Variants in UTP25 observed in about 807,000 individuals in gnomAD.
UTP25 encodes UTP25 small subunit processome component.
A neutral mutation model predicts 78.9 loss-of-function variants in UTP25; 50 were observed. The observed-to-expected ratio is 0.63, with a 90% confidence interval of 0.50 to 0.80. The LOEUF (loss-of-function observed/expected upper bound fraction) is 0.80. Among genes scored for constraint, UTP25 ranks in the 30% least tolerant of loss-of-function variants. UTP25 has a pLI of 0.00. For missense variants in UTP25, 846 were observed against 911.3 expected (o/e 0.93, Z 0.92); for synonymous variants, 329 against 336.5 (o/e 0.98, Z 0.24).
At chr1:209,828,401 A>ATTTTT (rs71571917) in intron 1 of UTP25, among the ~76,000 whole-genome samples, 2,806 of 136,348 alleles carry the variant, frequency 0.021, 72 homozygotes, top group African/African-American at 0.05. Flanking sequence ...GTGGGGGAGG[A>ATTTTT]TTTTTTTTTT....
rs2078279151 is a variant in UTP25, at chr1:209,856,699, G to A, written c.*5252G>A. ...GCATCACAGACTCCTGAACTCCAAAGACACTGCCTATTCTTTCGTCTGTTC... is the reference window on the plus strand; with the variant it reads ...GCATCACAGACTCCTGAACTCCAAAAACACTGCCTATTCTTTCGTCTGTTC... On this transcript the variant is annotated 3_prime_UTR_variant, in exon 12 of 12. Coordinates refer to ENST00000491415, the MANE Select transcript of UTP25 (RefSeq NM_014388.7). 3 of 152,238 alleles carry A rather than the reference G, an allele frequency of 2.0e-5. No homozygotes were observed. The highest frequency in any genetic ancestry group is 2.0e-4 in the Admixed American group (3 of 15,286). The allele number at this position is 152,238 out of a possible 1,614,324, so 9.4% of individuals were successfully genotyped here. A position where few individuals can be genotyped will look rare whatever the true frequency, so the allele number is the denominator to read the frequency against.
At position 209,828,029 on chromosome 1, in the gene UTP25, G is replaced by T; in HGVS notation, c.-35G>T. 6.4e-7 allele frequency: 1 copy of T among 1,560,124 alleles called. No homozygotes were observed. The highest frequency in any genetic ancestry group is 8.8e-7 in the Non-Finnish European group (1 of 1,131,016). ...GGACAACTTCCTGGTGGAAAACCGC[G>T]ACTCTTGCAAGTGGGCAAACTTGAC... On this transcript the variant is annotated 5_prime_UTR_variant, in exon 1 of 12. Transcript: ENST00000491415.
At chr1:209,834,971 A>C (rs959469559) in intron 4 of UTP25, 104 bp from the exon 5 acceptor site, 1 of 829,464 alleles carries the variant, frequency 1.2e-6, no homozygotes, top group Non-Finnish European at 1.9e-6. Context: ...AATGGAGAAA[A>C]GGATGAGTTA....
At chr1:209,837,314 T>C in intron 6 of UTP25, 103 bp downstream of exon 6, 1 of 1,346,406 alleles carries the variant, frequency 7.4e-7, no homozygotes, top group Non-Finnish European at 1.0e-6. Flanking sequence ...AATAATTGAC[T>C]GGCATAATGA....
chr1:209,847,710 T>C (rs904451912), intron 11 of UTP25, among the ~76,000 whole-genome samples: 2 of 152,226 alleles, frequency 1.3e-5, no homozygotes, highest in Admixed American at 6.5e-5. Flanking sequence ...TAGTTCTCAA[T>C]TGGGGAACAA....
At chr1:209,834,413 C>T (rs1558052189) in intron 4 of UTP25, among the ~76,000 whole-genome samples, 1 of 152,176 alleles carries the variant, frequency 6.6e-6, no homozygotes, top group African/African-American at 2.4e-5. Context: ...CAGATGCTAT[C>T]ATGTGGATCA....
At position 209,854,990 on chromosome 1, in the gene UTP25, G is replaced by T. The variant is rs535573481; in HGVS notation, c.*3543G>T. The T allele has an allele frequency of 2.4e-4, 36 of 152,280 alleles. No homozygotes were observed. Among genetic ancestry groups the T allele is most frequent in the African/African-American group, 8.7e-4 (36 of 41,556 alleles). The allele number at this position is 152,280 out of a possible 1,614,324, so 9.4% of individuals were successfully genotyped here. A position where few individuals can be genotyped will look rare whatever the true frequency, so the allele number is the denominator to read the frequency against. ...TTCTACTCCACACTTATTTTAAAAA[G>T]CTTTTCTGAAAGCCTGGCTACATAG... On this transcript the variant is annotated 3_prime_UTR_variant, in exon 12 of 12. Coordinates refer to ENST00000491415, the MANE Select transcript of UTP25 (RefSeq NM_014388.7).
rs144056813 is a variant in UTP25, at chr1:209,835,202, A to G, written c.651+39A>G. 2,783 of 1,572,440 alleles carry G rather than the reference A, an allele frequency of 1.8e-3. 30 individuals are homozygous for G. The African/African-American group carries it at 0.031, about 17-fold the overall frequency. Reference sequence around the variant, plus strand: ...GGTCATCCCGGTCACAAATAGAGAAAGCTCTAAATAAAACAGTGGTCTTGG... The same window carrying G: ...GGTCATCCCGGTCACAAATAGAGAAGGCTCTAAATAAAACAGTGGTCTTGG... On this transcript the variant is annotated intron_variant, in intron 5 of 11. Coordinates refer to ENST00000491415, the MANE Select transcript of UTP25 (RefSeq NM_014388.7).
In UTP25 at chr1:209,843,478, G is replaced by T. The variant is rs761935904; in HGVS notation, c.1809G>T (p.Leu603Phe). Residue 603 changes from leucine (L) to phenylalanine (F), a missense_variant, in exon 11 of 12, where the codon TTG becomes TTT. Physicochemically the swap from Leu to Phe is conservative, Grantham distance 22. Transcript: ENST00000491415. ...ARFNFFVNKI[L>F]PQYRDAVMSH... ...TTAACTTTTTTGTGAACAAGATTTT[G>T]CCACAGTATCGTGATGCAGTCATGT... is the stretch of plus-strand genomic sequence containing the variant. 1.6e-5 allele frequency: 26 copies of T among 1,613,876 alleles called. No individual in the cohort carries two copies.
At chr1:209,831,168 C>A in intron 3 of UTP25, 125 bp downstream of exon 3, 1 of 968,348 alleles carries the variant, frequency 1.0e-6, no homozygotes, top group South Asian at 1.8e-5. Flanking sequence ...AGGGATTTAC[C>A]CTTGTTGGGT....
chr1:209,851,399 G>A lies in UTP25; in HGVS notation c.2223G>A (p.Met741Ile), dbSNP rs562356872. Residue 741 changes from methionine (M) to isoleucine (I), a missense_variant, in exon 12 of 12, where the codon ATG (methionine) becomes ATA (isoleucine). Met to Ile is a conservative substitution (Grantham distance 10). Transcript: ENST00000491415. ...TTGGTGTGGAGCGGGCGGCACAGAT[G>A]CTACAGTCCAACAAGAATGTCCACC... is the stretch of plus-strand genomic sequence containing the variant. ...AVVGVERAAQ[M>I]LQSNKNVHLF... 1.2e-6 allele frequency: 2 copies of A among 1,612,960 alleles called. No individual in the cohort carries two copies. Among genetic ancestry groups the A allele is most frequent in the Non-Finnish European group, 1.7e-6 (2 of 1,179,786 alleles).
At chr1:209,828,245 A>G in intron 1 of UTP25, 75 bp downstream of exon 1, 6 of 1,095,160 alleles carry the variant, frequency 5.5e-6, no homozygotes, top group Non-Finnish European at 8.2e-6. Flanking sequence ...TCTCCCAGAT[A>G]GTGCTGCTCC....
Position 209,837,043 on chromosome 1 carries a change from T to A in UTP25, c.894T>A (p.Thr298=), listed in dbSNP as rs199635485. The A allele has an allele frequency of 1.9e-6, 3 of 1,614,176 alleles. No homozygotes were observed. The highest frequency in any genetic ancestry group is 1.6e-4 in the Middle Eastern group (1 of 6,062). ...GGGACCTGTTCTACCCGGAAAGGAC[T>A]GCTCTGAAGAACGGGGAAGAGATCC... ...SYRDLFYPER[T]ALKNGEEIRH... is the part of the protein sequence containing the mutation. Residue 298 remains threonine, a synonymous_variant, in exon 6 of 12, where the codon ACT becomes ACA. Coordinates refer to ENST00000491415, the MANE Select transcript of UTP25 (RefSeq NM_014388.7).
At chr1:209,847,915 A>G (rs2078207897) in intron 11 of UTP25, among the ~76,000 whole-genome samples, 1 of 152,244 alleles carries the variant, frequency 6.6e-6, no homozygotes, top group Non-Finnish European at 1.5e-5. Flanking sequence ...ACCCTCATCC[A>G]GAATAACTCT....
intron 11 of UTP25, chr1:209,844,249 A>AGTTGAAT (rs1442758139): frequency 1.3e-5 from 2 of 152,546 alleles, no homozygotes; most frequent in East Asian, 3.9e-4. Flanking sequence ...AAGGGCTTCA[A>AGTTGAAT]GTTGAATGTT....
chr1:209,853,694 G>C lies in UTP25; in HGVS notation c.*2247G>C, dbSNP rs1332041785. 2 of 152,088 alleles carry C rather than the reference G, an allele frequency of 1.3e-5. No homozygotes were observed. Among genetic ancestry groups the C allele is most frequent in the South Asian group, 2.1e-4 (1 of 4,824 alleles). The allele number at this position is 152,088 out of a possible 1,614,324, so 9.4% of individuals were successfully genotyped here. A position where few individuals can be genotyped will look rare whatever the true frequency, so the allele number is the denominator to read the frequency against. ...TCTTTTTCTACTGCCATATTCTTTT[G>C]CCTGTGAATTGTAGTTCATCTCGTG... On this transcript the variant is annotated 3_prime_UTR_variant, in exon 12 of 12. Coordinates refer to ENST00000491415, the MANE Select transcript of UTP25 (RefSeq NM_014388.7).
rs1254805209 is a variant in UTP25 at position 209,853,808 on chromosome 1, T to C, written c.*2361T>C. ...GTGAGTCTGGATTTCAAATCCATGA[T>C]GTAGCCCCAGAAATAACCATTTTAT... On this transcript the variant is annotated 3_prime_UTR_variant, in exon 12 of 12. Transcript: ENST00000491415. 1.3e-5 allele frequency: 2 copies of C among 152,276 alleles called. No individual in the cohort carries two copies. Among genetic ancestry groups the C allele is most frequent in the Non-Finnish European group, 2.9e-5 (2 of 68,054 alleles). 9.4% of individuals were successfully genotyped at this position (152,276 alleles called of 1,614,324 possible). A position where few individuals can be genotyped will look rare whatever the true frequency, so the allele number is the denominator to read the frequency against.
chr1:209,847,047 A>T (rs968612986), intron 11 of UTP25, among the ~76,000 whole-genome samples: 10 of 152,134 alleles, frequency 6.6e-5, no homozygotes, highest in Non-Finnish European at 1.3e-4. Context: ...GTGTTTTTTT[A>T]AAAAACAATA....
intron 11 of UTP25, chr1:209,843,945 T>C: frequency 3.9e-6 from 2 of 517,012 alleles, no homozygotes; most frequent in South Asian, 2.3e-5. Context: ...AGACCTGGCA[T>C]GTAGCTGTGG....
Sources: gnomAD v4.1 joint callset for allele counts (sites outside exome capture counted in the v4.1 genomes callset) on GRCh38, gnomAD v4.1.1 for gene constraint, MANE v1.5 for transcripts, NCBI Gene and HGNC (gene_info 2026-07-23, HGNC 2026-07-21) for gene names.